The following N4BP1 variants were observed in gnomAD, a reference collection of about 807,000 sequenced individuals.
The protein encoded by N4BP1 is NEDD4 binding protein 1.
A neutral mutation model predicts 70.9 loss-of-function variants in N4BP1; 21 were observed. That is an observed-to-expected ratio of 0.30 (90% CI 0.21 to 0.43). The LOEUF (loss-of-function observed/expected upper bound fraction) is 0.43, where lower values mean the gene tolerates loss of function less well. N4BP1 is among the 20% of genes least tolerant of loss of function. N4BP1 has a pLI of 1.00. For synonymous variants in N4BP1, 387 were observed against 394.6 expected (o/e 0.98, Z 0.23); for missense variants, 936 against 1,069.4 (o/e 0.88, Z 1.74).
chr16:48,598,095 G>A (rs1964444376), intron 1 of N4BP1, among the ~76,000 whole-genome samples: 1 of 152,210 alleles, frequency 6.6e-6, no homozygotes, highest in Non-Finnish European at 1.5e-5. Context: ...CAACTGATGT[G>A]CATGCCATAT....
In N4BP1 at chr16:48,561,336, T is replaced by C; in HGVS notation, c.1307A>G (p.Gln436Arg). 1 of 1,613,928 alleles carries C rather than the reference T, an allele frequency of 6.2e-7. No homozygotes were observed. The highest frequency in any genetic ancestry group is 8.5e-7 in the Non-Finnish European group (1 of 1,179,858). Residue 436 changes from glutamine to arginine, a missense_variant, in exon 2 of 7, where the codon CAA becomes CGA. Transcript: ENST00000262384. Reference protein sequence around the residue: ...TPKKTQAHTQQNMVEKFSQLP... With the variant: ...TPKKTQAHTQRNMVEKFSQLP... Reference sequence around the variant, plus strand: ...CTGAGAAAATTTTTCTACCATATTTTGCTGTGTGTGAGCCTGTGTTTTCTT... The same window carrying C: ...CTGAGAAAATTTTTCTACCATATTTCGCTGTGTGTGAGCCTGTGTTTTCTT...
intron 1 of N4BP1, among the ~76,000 whole-genome samples, chr16:48,608,747 CTGTTAATTA>C (rs1964625495): frequency 7.4e-6 from 1 of 134,492 alleles, no homozygotes; most frequent in Admixed American, 7.8e-5. Flanking sequence ...GTTTCCCCAG[CTGTTAATTA>C]AAAAAAAAAA....
At chr16:48,592,120 G>C (rs901906595) in intron 1 of N4BP1, among the ~76,000 whole-genome samples, 1 of 152,108 alleles carries the variant, frequency 6.6e-6, no homozygotes, top group African/African-American at 2.4e-5. Context: ...GATTCCCATG[G>C]GGGATGGGCT....
At position 48,561,531 on chromosome 16, in the gene N4BP1, T is replaced by A; in HGVS notation, c.1112A>T (p.Tyr371Phe). ...CAATAATGGTTCAGTAGATGGTCCA[T>A]ACACCTTAATGACCTTTTCAACAAT... ...QEIVEKVIKVYGPSTEPLLLL... is the reference protein window; with the variant it reads ...QEIVEKVIKVFGPSTEPLLLL... Residue 371 changes from tyrosine to phenylalanine, a missense_variant, in exon 2 of 7, where the codon TAT becomes TTT. By Grantham distance (22) the Tyr-to-Phe change is conservative. Around this residue, in one of 4 missense-constraint regions of N4BP1, gnomAD observed 515 missense variants for 491.7 expected, o/e 1.05. Coordinates refer to ENST00000262384, the MANE Select transcript of N4BP1 (RefSeq NM_153029.4). 1.2e-6 allele frequency: 2 copies of A among 1,613,896 alleles called. No individual in the cohort carries two copies. The highest frequency in any genetic ancestry group is 1.7e-6 in the Non-Finnish European group (2 of 1,179,852).
At chr16:48,578,854 A>G (rs1014089724) in intron 1 of N4BP1, among the ~76,000 whole-genome samples, 1 of 152,204 alleles carries the variant, frequency 6.6e-6, no homozygotes, top group African/African-American at 2.4e-5. Context: ...TCTGCTTTCT[A>G]TACGTAACAG....
intron 1 of N4BP1, among the ~76,000 whole-genome samples, chr16:48,605,625 C>G (rs990958675): frequency 6.6e-6 from 1 of 152,138 alleles, no homozygotes; most frequent in African/African-American, 2.4e-5. Context: ...CTCTCTAGCC[C>G]CTGTATTAAT....
chr16:48,582,882 G>A (rs966716902), intron 1 of N4BP1, among the ~76,000 whole-genome samples: 3 of 152,094 alleles, frequency 2.0e-5, no homozygotes, highest in African/African-American at 7.2e-5. Context: ...TCAGGAATTT[G>A]AGAACAGGCT....
intron 1 of N4BP1, among the ~76,000 whole-genome samples, chr16:48,605,017 A>T (rs1465767852): frequency 6.6e-6 from 1 of 151,142 alleles, no homozygotes; most frequent in Non-Finnish European, 1.5e-5. Context: ...TGGTTCTTTG[A>T]TCTAAAAGAA....
intron 6 of N4BP1, among the ~76,000 whole-genome samples, chr16:48,543,999 C>G (rs556001663): frequency 2.6e-5 from 4 of 152,304 alleles, no homozygotes; most frequent in African/African-American, 7.2e-5. Context: ...GGAGCAGGAG[C>G]AAGCAGAGGA....
chr16:48,572,372 A>G (rs1310761285), intron 1 of N4BP1, among the ~76,000 whole-genome samples: 3 of 152,200 alleles, frequency 2.0e-5, no homozygotes, highest in Non-Finnish European at 4.4e-5. Context: ...CAGGACATAC[A>G]AAAGAATGAC....
At chr16:48,588,260 GGC>G (rs2151097943) in intron 1 of N4BP1, among the ~76,000 whole-genome samples, 1 of 151,490 alleles carries the variant, frequency 6.6e-6, no homozygotes, top group East Asian at 1.9e-4. Context: ...TAAAAAAAAT[GGC>G]AGCATGTTCT....
At chr16:48,566,423 T>A (rs1963945289) in intron 1 of N4BP1, among the ~76,000 whole-genome samples, 1 of 152,184 alleles carries the variant, frequency 6.6e-6, no homozygotes, top group Non-Finnish European at 1.5e-5. Flanking sequence ...GAAACTTTGA[T>A]ATGCTGCATT....
chr16:48,564,554 T>C (rs1204433741), intron 1 of N4BP1, among the ~76,000 whole-genome samples: 2 of 152,222 alleles, frequency 1.3e-5, no homozygotes, highest in Non-Finnish European at 2.9e-5. Flanking sequence ...CCACACCGTT[T>C]TGATTACTGT....
chr16:48,596,714 T>A (rs1964419222), intron 1 of N4BP1, among the ~76,000 whole-genome samples: 1 of 152,176 alleles, frequency 6.6e-6, no homozygotes, highest in African/African-American at 2.4e-5. Context: ...AGTTTATGGT[T>A]TGACTCTGAA....
rs1171392018 is a variant in N4BP1 at position 48,541,274 on chromosome 16, C to G, written c.*1630G>C. 2.6e-5 allele frequency: 4 copies of G among 152,446 alleles called. No individual in the cohort carries two copies. Among genetic ancestry groups the G allele is most frequent in the South Asian group, 4.1e-4 (2 of 4,836 alleles). The allele number at this position is 152,446 out of a possible 1,614,324, so 9.4% of individuals were successfully genotyped here. A position where few individuals can be genotyped will look rare whatever the true frequency, so the allele number is the denominator to read the frequency against. ...TGTGCTTTTGAAAACAGGTACAAAG[C>G]TGAGGCATGGGAGCTGTGACTGAAG... On this transcript the variant is annotated 3_prime_UTR_variant, in exon 7 of 7. Transcript: ENST00000262384.
chr16:48,548,730 C>T (rs1963623961), intron 4 of N4BP1, among the ~76,000 whole-genome samples: 1 of 151,358 alleles, frequency 6.6e-6, no homozygotes, highest in Non-Finnish European at 1.5e-5. Context: ...GTCCCAGCTA[C>T]TCAGGAGGCT....
At chr16:48,543,740 G>T (rs973154660) in intron 6 of N4BP1, among the ~76,000 whole-genome samples, 2 of 152,094 alleles carry the variant, frequency 1.3e-5, no homozygotes, top group African/African-American at 4.8e-5. Flanking sequence ...ATGCACATGG[G>T]TATGTGCGAG....
intron 1 of N4BP1, among the ~76,000 whole-genome samples, chr16:48,566,791 G>A (rs1033589849): frequency 6.6e-6 from 1 of 152,172 alleles, no homozygotes; most frequent in Non-Finnish European, 1.5e-5. Flanking sequence ...ATCAACTGTT[G>A]AGAGAAGGGT....
intron 1 of N4BP1, among the ~76,000 whole-genome samples, chr16:48,592,637 T>C (rs1374743797): frequency 6.6e-6 from 1 of 152,232 alleles, no homozygotes. Context: ...CTAAAACTAA[T>C]GAGCTAGTTT....
Sources: allele counts gnomAD v4.1 joint callset (sites outside exome capture counted in the v4.1 genomes callset), GRCh38; gene constraint gnomAD v4.1.1; regional missense constraint gnomAD v4.1.1; transcripts MANE v1.5; gene names NCBI Gene and HGNC (gene_info 2026-07-23, HGNC 2026-07-21).